BDP1: variants seen among roughly 807,000 people sequenced by gnomAD.
BDP1 encodes transcription factor TFIIIB component B'' homolog.
A neutral mutation model predicts 266.6 loss-of-function variants in BDP1; 169 were observed. The observed-to-expected ratio is 0.63, with a 90% CI of 0.56 to 0.72. The LOEUF is 0.72. Among genes scored for constraint, BDP1 ranks in the 30% least tolerant of loss-of-function variants. The pLI is 0.00. For synonymous variants in BDP1, 1,090 were observed against 1,022.4 expected (o/e 1.07, Z -1.26); for missense variants, 3,015 against 3,053.8 (o/e 0.99, Z 0.30).
At chr5:71,526,583 T>A (rs1458273415) in intron 25 of BDP1, among the ~76,000 whole-genome samples, 2 of 114,648 alleles carry the variant, frequency 1.7e-5, no homozygotes, top group African/African-American at 6.8e-5. Flanking sequence ...GCCACTGCAC[T>A]CCAGCCTGGG....
rs1238526270 is a variant in BDP1 at position 71,549,444 on chromosome 5, A to C, written c.6833A>C (p.Gln2278Pro). 1.2e-6 allele frequency: 2 copies of C among 1,613,354 alleles called. No homozygotes were observed. Among genetic ancestry groups the C allele is most frequent in the Non-Finnish European group, 1.7e-6 (2 of 1,179,836 alleles). Residue 2278 changes from glutamine (Q) to proline (P), a missense_variant, in exon 34 of 39, where the codon CAA (glutamine) becomes CCA (proline). Physicochemically the swap from Gln to Pro is moderately conservative, Grantham distance 76. This residue lies in a region of BDP1 where 629 missense variants were observed against 632.5 expected (regional missense o/e 0.99). Transcript: ENST00000358731. ...GTGAATCTAGTTGCTAATGTACCTC[A>C]AGATGGAGAAGATGAACAAGCCTTT... ...LTVNLVANVP[Q>P]DGEDEQAFIL... is the part of the protein sequence containing the mutation.
At chr5:71,503,300 T>C (rs532264935) in intron 15 of BDP1, among the ~76,000 whole-genome samples, 1 of 152,148 alleles carries the variant, frequency 6.6e-6, no homozygotes, top group East Asian at 1.9e-4. Context: ...TTACCCCCTT[T>C]TCAAAACAGT....
intron 28 of BDP1, among the ~76,000 whole-genome samples, chr5:71,539,924 AGGTAGTG>A (rs1766859343): frequency 3.3e-5 from 5 of 151,982 alleles, no homozygotes; most frequent in African/African-American, 1.2e-4. Flanking sequence ...TGCATGGTAA[AGGTAGTG>A]AATACTACCT....
intron 4 of BDP1, among the ~76,000 whole-genome samples, 185 bp downstream of exon 4, chr5:71,464,302 C>T (rs963620398): frequency 1.1e-4 from 17 of 151,954 alleles, no homozygotes; most frequent in African/African-American, 4.1e-4. Context: ...TGAGACCAGC[C>T]TGGGCATCAT....
Position 71,501,629 on chromosome 5 carries a change from A to C in BDP1, c.2024A>C (p.Asn675Thr), listed in dbSNP as rs761501862. 6.3e-7 allele frequency: 1 copy of C among 1,580,116 alleles called. No individual in the cohort carries two copies. The highest frequency in any genetic ancestry group is 8.7e-7 in the Non-Finnish European group (1 of 1,150,322). The stretch of plus-strand genomic sequence containing the variant: ...AGAATGGAGACTACAGAGAGAGAGA[A>C]TCCAGAAGCTGAAACTGTATCTGTG... ...ILRMETTERE[N>T]PEAETVSVLG... The change falls in exon 14 of 39, where the codon AAT becomes ACT. Residue 675 changes from asparagine (N) to threonine (T), a missense_variant. Physicochemically the swap from Asn to Thr is moderately conservative, Grantham distance 65. Transcript: ENST00000358731.
rs148473343 is a variant in BDP1, at chr5:71,543,916, C to T, written c.6413-441C>T. 2.7e-3 allele frequency among the ~76,000 whole-genome samples: 417 copies of T among 152,308 alleles called. 3 individuals are homozygous for T. Among genetic ancestry groups the T allele is most frequent in the African/African-American group, 9.6e-3 (400 of 41,564 alleles). ...AGAGGTCACCTTTTCTAAAACCTCTCTCAACGTGCAGTCTCAAATTACCTC... is the reference window on the plus strand; with the variant it reads ...AGAGGTCACCTTTTCTAAAACCTCTTTCAACGTGCAGTCTCAAATTACCTC... On this transcript the variant is annotated intron_variant, in intron 30 of 38. Transcript: ENST00000358731.
At chr5:71,514,320 TAA>T (rs1439525198) in intron 19 of BDP1, among the ~76,000 whole-genome samples, 3 of 152,202 alleles carry the variant, frequency 2.0e-5, no homozygotes, top group Admixed American at 2.0e-4. Flanking sequence ...TCATAAAAGA[TAA>T]GTTACATTTG....
intron 13 of BDP1, among the ~76,000 whole-genome samples, chr5:71,498,967 G>A (rs1265983065): frequency 1.3e-5 from 2 of 151,774 alleles, no homozygotes; most frequent in African/African-American, 2.4e-5. Context: ...CAAGTGATCC[G>A]TGTGCGTTGG....
chr5:71,526,070 T>C (rs1205476465), intron 25 of BDP1, among the ~76,000 whole-genome samples: 1 of 152,038 alleles, frequency 6.6e-6, no homozygotes, highest in Admixed American at 6.5e-5. Flanking sequence ...CTCGGCACTT[T>C]GGGGGGCCAA....
chr5:71,563,424 A>G (rs1344995923), intron 38 of BDP1, among the ~76,000 whole-genome samples: 2 of 152,118 alleles, frequency 1.3e-5, no homozygotes, highest in African/African-American at 4.8e-5. Context: ...GGCATGAGCC[A>G]CTGTGCCTGG....
chr5:71,492,478 T>C (rs893035129), intron 11 of BDP1, among the ~76,000 whole-genome samples: 1 of 152,192 alleles, frequency 6.6e-6, no homozygotes, highest in Non-Finnish European at 1.5e-5. Flanking sequence ...TGATTTGCAT[T>C]TCCCGGATAA....
At chr5:71,499,450 C>T (rs557868515) in intron 13 of BDP1, among the ~76,000 whole-genome samples, 1 of 152,142 alleles carries the variant, frequency 6.6e-6, no homozygotes, top group South Asian at 2.1e-4. Flanking sequence ...AATCCCATCT[C>T]TACTAAAAAT....
chr5:71,484,393 C>A (rs10942533), intron 8 of BDP1, among the ~76,000 whole-genome samples: 2 of 151,918 alleles, frequency 1.3e-5, no homozygotes, highest in African/African-American at 4.8e-5. Flanking sequence ...GATTGGATGG[C>A]GGAAGAAATA....
chr5:71,522,920 T>G lies in BDP1; in HGVS notation c.5358T>G (p.Val1786=), dbSNP rs776982193. 8 of 1,602,374 alleles carry G rather than the reference T, an allele frequency of 5.0e-6. No individual in the cohort carries two copies. The Admixed American group carries it at 7.0e-5, about 14-fold the overall frequency. Reference sequence around the variant, plus strand: ...GAGATAATTCACCATCTTCAGTTGTTGAAGAGCAATATCTCAATAAACTAA... The same window carrying G: ...GAGATAATTCACCATCTTCAGTTGTGGAAGAGCAATATCTCAATAAACTAA... ...TVGDNSPSSV[V]EEQYLNKLTS... is the part of the protein sequence containing the mutation. The change falls in exon 24 of 39, where the codon GTT becomes GTG. Residue 1786 remains valine (V), a synonymous_variant. Coordinates refer to ENST00000358731, the MANE Select transcript of BDP1 (RefSeq NM_018429.3).
chr5:71,558,712 G>GT (rs1350559603), intron 36 of BDP1, among the ~76,000 whole-genome samples: 2 of 151,956 alleles, frequency 1.3e-5, no homozygotes, highest in African/African-American at 4.8e-5. Context: ...TGTAATCCCA[G>GT]TTACTCGGCA....
chr5:71,466,807 T>C (rs1012053785), intron 5 of BDP1, among the ~76,000 whole-genome samples: 6 of 152,218 alleles, frequency 3.9e-5, no homozygotes, highest in Admixed American at 2.0e-4. Context: ...GGAAGGTCTT[T>C]GAAAGTTTAG....
In BDP1 at chr5:71,560,365, G is replaced by A. The variant is rs1159549778; in HGVS notation, c.7496+128G>A. 8 of 1,058,972 alleles carry A rather than the reference G, an allele frequency of 7.6e-6. No individual in the cohort carries two copies. In the African/African-American group the frequency reaches 9.7e-5, roughly 13 times the overall value. 65.6% of individuals were successfully genotyped at this position (1,058,972 alleles called of 1,614,324 possible). A position where few individuals can be genotyped will look rare whatever the true frequency, so the allele number is the denominator to read the frequency against. On this transcript the variant is annotated intron_variant, in intron 37 of 38. Transcript: ENST00000358731. ...CATATTCCTCCATCAGTAATGTAAA[G>A]GAAAAAGTTTCAGCCAAGGAAATAC...
Position 71,510,692 on chromosome 5 carries a change from G to A in BDP1, c.3600G>A (p.Leu1200=). The change falls in exon 17 of 39, where the codon TTG becomes TTA. Residue 1200 remains leucine (L), a synonymous_variant. Transcript: ENST00000358731. ...CTGCTGAGGTAATAGAGACAGATTTGGAAGAAACTGAAAGAGAAATATCGC... is the reference window on the plus strand; with the variant it reads ...CTGCTGAGGTAATAGAGACAGATTTAGAAGAAACTGAAAGAGAAATATCGC... ...IDAAEVIETD[L]EETEREISPQ... The A allele has an allele frequency of 6.2e-7, 1 of 1,611,758 alleles. No homozygotes were observed. Among genetic ancestry groups the A allele is most frequent in the Non-Finnish European group, 8.5e-7 (1 of 1,179,640 alleles).
chr5:71,556,924 A>G lies in BDP1; in HGVS notation c.7239A>G (p.Thr2413=), dbSNP rs780806505. 1.2e-5 allele frequency: 18 copies of G among 1,446,702 alleles called. No individual in the cohort carries two copies. The African/African-American group carries it at 1.5e-4, about 12-fold the overall frequency. 89.6% of individuals were successfully genotyped at this position (1,446,702 alleles called of 1,614,324 possible). Residue 2413 remains threonine, a splice_region_variant and synonymous_variant, in exon 36 of 39, where the codon ACA becomes ACG. Coordinates refer to ENST00000358731, the MANE Select transcript of BDP1 (RefSeq NM_018429.3). ...SKELTNVFEE[T]GESHKGQDIF... ...AATTAACAAATGTTTTTGAGGAAAC[A>G]GGTAAGTGAAATACATTTTAACATG... is the stretch of plus-strand genomic sequence containing the variant.
Sources: gnomAD v4.1 joint callset for allele counts (sites outside exome capture counted in the v4.1 genomes callset) on GRCh38, gnomAD v4.1.1 for gene constraint, gnomAD v4.1.1 regional missense constraint, MANE v1.5 for transcripts, NCBI Gene and HGNC (gene_info 2026-07-23, HGNC 2026-07-21) for gene names.